Variants in CLNK observed in about 807,000 individuals in gnomAD.
The protein encoded by CLNK is cytokine dependent hematopoietic cell linker.
Under a neutral mutation model 68.6 loss-of-function variants are expected in CLNK, and 74 were observed. The observed-to-expected ratio is 1.08, with a 90% CI of 0.89 to 1.31. The LOEUF (loss-of-function observed/expected upper bound fraction) is 1.31, where lower values mean the gene tolerates loss of function less well. Among genes scored for constraint, CLNK ranks in the 50% most tolerant of loss-of-function variants. The probability of loss-of-function intolerance (pLI) is 0.00; values close to 1 mark genes in which losing one functional copy is unlikely to be tolerated. For missense variants in CLNK, 553 were observed against 515.3 expected (o/e 1.07, Z -0.71); for synonymous variants, 198 against 172.2 (o/e 1.15, Z -1.17).
At chr4:10,704,885 G>C in the CLNK span, among the ~76,000 whole-genome samples, 2 of 152,190 alleles carry the variant, frequency 1.3e-5, no homozygotes, top group African/African-American at 4.8e-5. Context: ...AGCAGACTTG[G>C]TTCCTGTTGG....
chr4:10,634,162 C>T (rs773857641), intron 2 of CLNK, among the ~76,000 whole-genome samples: 1 of 152,162 alleles, frequency 6.6e-6, no homozygotes, highest in Non-Finnish European at 1.5e-5. Context: ...GAAACAGAGT[C>T]CATCAGGGTC....
chr4:10,702,149 A>G, the CLNK span, among the ~76,000 whole-genome samples: 1 of 152,188 alleles, frequency 6.6e-6, no homozygotes, highest in East Asian at 1.9e-4. Flanking sequence ...GAATGGCATG[A>G]TCTAATTTCC....
chr4:10,624,437 C>G (rs190842027), intron 2 of CLNK, among the ~76,000 whole-genome samples: 25 of 152,166 alleles, frequency 1.6e-4, no homozygotes, highest in Non-Finnish European at 3.2e-4. Flanking sequence ...GGACTATAGG[C>G]GCCCGCCACC....
the CLNK span, among the ~76,000 whole-genome samples, chr4:10,709,722 C>T: frequency 6.6e-6 from 1 of 152,158 alleles, no homozygotes; most frequent in Non-Finnish European, 1.5e-5. Context: ...GCCTCCAGGA[C>T]TGCACACTTT....
chr4:10,643,663 C>T (rs557338154), intron 2 of CLNK, among the ~76,000 whole-genome samples: 1 of 152,320 alleles, frequency 6.6e-6, no homozygotes, highest in Admixed American at 6.5e-5. Context: ...ATGAGACTGT[C>T]ACACTATCAC....
chr4:10,564,666 C>G lies in CLNK; in HGVS notation c.399+5G>C. Reference sequence around the variant, plus strand: ...TTTGTGTCACAATGTCCAGTCTTTACTCACTCTTTCCAACCTCGTCTGTGT... The same window carrying G: ...TTTGTGTCACAATGTCCAGTCTTTAGTCACTCTTTCCAACCTCGTCTGTGT... On this transcript the variant is annotated splice_donor_5th_base_variant and intron_variant, in intron 7 of 18. Coordinates refer to ENST00000226951, the MANE Select transcript of CLNK (RefSeq NM_052964.4). 6.3e-7 allele frequency: 1 copy of G among 1,594,380 alleles called. No homozygotes were observed. The highest frequency in any genetic ancestry group is 8.6e-7 in the Non-Finnish European group (1 of 1,162,130).
intron 8 of CLNK, among the ~76,000 whole-genome samples, chr4:10,546,090 A>G (rs1156589598): frequency 6.6e-6 from 1 of 152,044 alleles, no homozygotes; most frequent in African/African-American, 2.4e-5. Context: ...TCCTTCCTCC[A>G]TTGTCTTGAG....
At chr4:10,550,975 A>T (rs1397969078) in intron 8 of CLNK, among the ~76,000 whole-genome samples, 1 of 152,230 alleles carries the variant, frequency 6.6e-6, no homozygotes, top group African/African-American at 2.4e-5. Context: ...TCAGCAATTA[A>T]CCGGTGGATA....
the CLNK span, among the ~76,000 whole-genome samples, chr4:10,705,479 G>C: frequency 1.3e-5 from 2 of 152,126 alleles, no homozygotes; most frequent in Non-Finnish European, 2.9e-5. Context: ...TTTCCTTTTT[G>C]TGGCTCCAGG....
intron 2 of CLNK, among the ~76,000 whole-genome samples, chr4:10,642,722 A>G (rs1251368929): frequency 6.6e-6 from 1 of 152,224 alleles, no homozygotes; most frequent in African/African-American, 2.4e-5. Context: ...CACTGGGTGC[A>G]CTGTCATTTA....
the CLNK span, among the ~76,000 whole-genome samples, chr4:10,721,716 G>C: frequency 8.6e-4 from 131 of 152,108 alleles, no homozygotes; most frequent in African/African-American, 2.8e-3. Flanking sequence ...TGTATGTTAG[G>C]CGTTGTACTA....
intron 8 of CLNK, among the ~76,000 whole-genome samples, chr4:10,558,177 A>C (rs557582280): frequency 6.6e-6 from 1 of 152,338 alleles, no homozygotes; most frequent in Non-Finnish European, 1.5e-5. Context: ...TTGCACAACA[A>C]AGAATACGAA....
intron 5 of CLNK, among the ~76,000 whole-genome samples, chr4:10,568,285 C>A (rs1156567506): frequency 6.6e-6 from 1 of 151,918 alleles, no homozygotes; most frequent in African/African-American, 2.4e-5. Context: ...GAGTCATATA[C>A]AAAATGGAAT....
chr4:10,515,514 A>C (rs189534480), intron 15 of CLNK, among the ~76,000 whole-genome samples: 11 of 152,262 alleles, frequency 7.2e-5, no homozygotes, highest in Non-Finnish European at 1.6e-4. Flanking sequence ...TAACCCAAAG[A>C]ATGACTGACA....
chr4:10,663,814 G>A (rs796254902), intron 2 of CLNK, among the ~76,000 whole-genome samples: 15 of 152,230 alleles, frequency 9.9e-5, no homozygotes, highest in African/African-American at 3.6e-4. Context: ...GGCCTTTGGG[G>A]GCTGATTAGG....
At chr4:10,723,142 T>A in the CLNK span, among the ~76,000 whole-genome samples, 1 of 152,316 alleles carries the variant, frequency 6.6e-6, no homozygotes. Context: ...GTTCTTTACT[T>A]GGTATACAGG....
chr4:10,677,212 G>A (rs745645833), intron 1 of CLNK, among the ~76,000 whole-genome samples: 12 of 152,066 alleles, frequency 7.9e-5, no homozygotes, highest in Non-Finnish European at 1.2e-4. Context: ...TTGGCCCTGC[G>A]GTGAAGATAA....
intron 8 of CLNK, among the ~76,000 whole-genome samples, chr4:10,543,288 T>TGCCTTC: frequency 6.6e-6 from 1 of 152,210 alleles, no homozygotes; most frequent in Non-Finnish European, 1.5e-5. Flanking sequence ...AATGTTTGAT[T>TGCCTTC]ATCTCTAAAA....
At chr4:10,623,733 T>C (rs961777562) in intron 2 of CLNK, among the ~76,000 whole-genome samples, 10 of 152,230 alleles carry the variant, frequency 6.6e-5, no homozygotes, top group African/African-American at 2.4e-4. Flanking sequence ...AGGGACTCCT[T>C]GTTTAGAAGG....
Sources: allele counts gnomAD v4.1 joint callset (sites outside exome capture counted in the v4.1 genomes callset), GRCh38; gene constraint gnomAD v4.1.1; transcripts MANE v1.5; gene names NCBI Gene and HGNC (gene_info 2026-07-23, HGNC 2026-07-21).